The following GSTM1 variants were observed in gnomAD, a reference collection of about 807,000 sequenced individuals.
GSTM1 encodes glutathione S-transferase mu 1, also known as GST HB subunit 4.
A neutral mutation model predicts 17.3 loss-of-function variants in GSTM1; 6 were observed. The ratio of observed to expected loss-of-function variants is 0.35; its 90% confidence interval spans 0.19 to 0.68. The LOEUF is 0.68. Among genes scored for constraint, GSTM1 ranks in the 30% least tolerant of loss-of-function variants. GSTM1 has a pLI of 0.65. For synonymous variants in GSTM1, 20 were observed against 53.6 expected, an observed-to-expected ratio of 0.37 and a Z score of 2.74; for missense variants, 62 against 155.9, an observed-to-expected ratio of 0.40 and a Z score of 3.21.
At position 109,691,730 on chromosome 1, in the gene GSTM1, C is replaced by T. The variant is rs1176783857; in HGVS notation, c.567+1166C>T. ...GCCTGTGAGGTGTGTGTGGCACCAC[C>T]TGGGTACCAGGCCCGGGGCCTGCCC... On this transcript the variant is annotated intron_variant, in intron 7 of 7. Coordinates refer to ENST00000309851, the MANE Select transcript of GSTM1 (RefSeq NM_000561.4). Among the ~76,000 whole-genome samples the T allele has an allele frequency of 3.6e-5, 3 of 82,620 alleles. 1 individual carries two copies. The highest frequency in any genetic ancestry group is 1.3e-4 in the Admixed American group (1 of 7,862). The allele number at this position is 82,620 out of a possible 152,430, so 54.2% of individuals were successfully genotyped here. A position where few individuals can be genotyped will look rare whatever the true frequency, so the allele number is the denominator to read the frequency against.
rs397894870 is a variant in GSTM1 at position 109,692,058 on chromosome 1, CTTT to C, written c.568-1130_568-1128del. 2.3e-4 allele frequency among the ~76,000 whole-genome samples: 8 copies of C among 34,888 alleles called. 1 individual carries two copies. Among genetic ancestry groups the C allele is most frequent in the Admixed American group, 6.8e-4 (2 of 2,942 alleles). 22.9% of individuals were successfully genotyped at this position (34,888 alleles called of 152,430 possible). ...AGTTTGAGAACAGGCAGTCCTGGAT[CTTT>C]TTTTTTTTTTTTTTTTTGAGATCGT... On this transcript the variant is annotated intron_variant, in intron 7 of 7. Transcript: ENST00000309851.
chr1:109,688,832 C>G lies in GSTM1; in HGVS notation c.177+95C>G. 1.4e-5 allele frequency: 8 copies of G among 565,818 alleles called. 4 individuals carry two copies. Among genetic ancestry groups the G allele is most frequent in the Non-Finnish European group, 1.7e-5 (6 of 348,260 alleles). 35.0% of individuals were successfully genotyped at this position (565,818 alleles called of 1,614,324 possible). A position where few individuals can be genotyped will look rare whatever the true frequency, so the allele number is the denominator to read the frequency against. On this transcript the variant is annotated intron_variant, in intron 3 of 7. Coordinates refer to ENST00000309851, the MANE Select transcript of GSTM1 (RefSeq NM_000561.4). Reference sequence around the variant, plus strand: ...GCTTAGAGGTGTTAAGATCAGGAGTCTTCTGCCCAATTCCTCTCACTCCTG... The same window carrying G: ...GCTTAGAGGTGTTAAGATCAGGAGTGTTCTGCCCAATTCCTCTCACTCCTG...
In GSTM1 at chr1:109,689,068, G is replaced by A. The variant is rs753189502; in HGVS notation, c.198G>A (p.Gly66=). 5.8e-5 allele frequency: 46 copies of A among 796,844 alleles called. 19 individuals carry two copies. Among genetic ancestry groups the A allele is most frequent in the African/African-American group, 5.7e-4 (30 of 53,068 alleles). The allele number at this position is 796,844 out of a possible 1,614,324, so 49.4% of individuals were successfully genotyped here. Residue 66 remains glycine (G), a synonymous_variant, in exon 4 of 8, where the codon GGG becomes GGA. Coordinates refer to ENST00000309851, the MANE Select transcript of GSTM1 (RefSeq NM_000561.4). ...TCCAGCTGCCCTACTTGATTGATGG[G>A]GCTCACAAGATCACCCAGAGCAACG... ...DFPNLPYLID[G]AHKITQSNAI...
chr1:109,692,169 T>A lies in GSTM1; in HGVS notation c.568-1037T>A, dbSNP rs1648113743. 2.7e-5 allele frequency among the ~76,000 whole-genome samples: 2 copies of A among 75,210 alleles called. 1 individual carries two copies. Among genetic ancestry groups the A allele is most frequent in the South Asian group, 8.5e-4 (2 of 2,346 alleles). The allele number at this position is 75,210 out of a possible 152,430, so 49.3% of individuals were successfully genotyped here. On this transcript the variant is annotated intron_variant, in intron 7 of 7. Coordinates refer to ENST00000309851, the MANE Select transcript of GSTM1 (RefSeq NM_000561.4). ...TGCCTCCCGGGTTCAAACAATTCTC[T>A]GCCTCAGCCTCCCGAGTAGCTGGGA...
chr1:109,691,961 T>C (rs1285306177), intron 7 of GSTM1, among the ~76,000 whole-genome samples: 1 of 79,792 alleles, frequency 1.3e-5, no homozygotes, highest in African/African-American at 3.6e-5. Flanking sequence ...CTTGGAGTTA[T>C]GTAAGAGGTG....
chr1:109,688,165 C>T lies in GSTM1; in HGVS notation c.37-5C>T, dbSNP rs1412412523. ...CTGACGCGACCTGCGGGCCATCTCT[C>T]CCAGCTGGCCCACGCCATCCGCCTG... On this transcript the variant is annotated splice_polypyrimidine_tract_variant and splice_region_variant and intron_variant, in intron 1 of 7. Coordinates refer to ENST00000309851, the MANE Select transcript of GSTM1 (RefSeq NM_000561.4). 8.9e-5 allele frequency: 71 copies of T among 797,926 alleles called. 32 individuals carry two copies. The highest frequency in any genetic ancestry group is 1.3e-4 in the Non-Finnish European group (71 of 552,684). The allele number at this position is 797,926 out of a possible 1,614,324, so 49.4% of individuals were successfully genotyped here.
At position 109,690,194 on chromosome 1, in the gene GSTM1, C is replaced by T; in HGVS notation, c.361-77C>T. ...CTGCTTGCCCATGGCCAGCCTGGGCCGTCCACAGCCCCGGGGAGGCCACGT... is the reference window on the plus strand; with the variant it reads ...CTGCTTGCCCATGGCCAGCCTGGGCTGTCCACAGCCCCGGGGAGGCCACGT... On this transcript the variant is annotated intron_variant, in intron 5 of 7. Coordinates refer to ENST00000309851, the MANE Select transcript of GSTM1 (RefSeq NM_000561.4). The T allele has an allele frequency of 7.7e-6, 4 of 517,080 alleles. 1 individual carries two copies. The highest frequency in any genetic ancestry group is 6.6e-6 in the Non-Finnish European group (2 of 303,812). 32.0% of individuals were successfully genotyped at this position (517,080 alleles called of 1,614,324 possible).
Position 109,688,855 on chromosome 1 carries a change from C to T in GSTM1, c.177+118C>T. ...GTCTTCTGCCCAATTCCTCTCACTC[C>T]TGGCTGTCTAAACAGTCCTTCCATG... On this transcript the variant is annotated intron_variant, in intron 3 of 7. Coordinates refer to ENST00000309851, the MANE Select transcript of GSTM1 (RefSeq NM_000561.4). 3 of 512,446 alleles carry T rather than the reference C, an allele frequency of 5.9e-6. 1 individual carries two copies. Among genetic ancestry groups the T allele is most frequent in the Non-Finnish European group, 1.0e-5 (3 of 301,376 alleles). The allele number at this position is 512,446 out of a possible 1,614,324, so 31.7% of individuals were successfully genotyped here. A position where few individuals can be genotyped will look rare whatever the true frequency, so the allele number is the denominator to read the frequency against.
chr1:109,688,322 G>A lies in GSTM1; in HGVS notation c.112+77G>A, dbSNP rs1286342807. 2.7e-6 allele frequency: 2 copies of A among 737,858 alleles called. 1 individual carries two copies. Among genetic ancestry groups the A allele is most frequent in the Non-Finnish European group, 4.0e-6 (2 of 498,520 alleles). The allele number at this position is 737,858 out of a possible 1,614,324, so 45.7% of individuals were successfully genotyped here. A position where few individuals can be genotyped will look rare whatever the true frequency, so the allele number is the denominator to read the frequency against. On this transcript the variant is annotated intron_variant, in intron 2 of 7. Coordinates refer to ENST00000309851, the MANE Select transcript of GSTM1 (RefSeq NM_000561.4). ...AAGCAACCCATGGTGGCCACCTGTGGCTGCCTCTGCAGGCCTCCCCTGCTG... is the reference window on the plus strand; with the variant it reads ...AAGCAACCCATGGTGGCCACCTGTGACTGCCTCTGCAGGCCTCCCCTGCTG...
rs1648040240 is a variant in GSTM1, at chr1:109,689,235, A to C, written c.270A>C (p.Thr90=). 1.3e-6 allele frequency: 1 copy of C among 795,426 alleles called. No individual in the cohort carries two copies. Among genetic ancestry groups the C allele is most frequent in the Admixed American group, 3.1e-5 (1 of 32,606 alleles). 49.3% of individuals were successfully genotyped at this position (795,426 alleles called of 1,614,324 possible). A position where few individuals can be genotyped will look rare whatever the true frequency, so the allele number is the denominator to read the frequency against. Residue 90 remains threonine (T), a synonymous_variant, in exon 5 of 8, where the codon ACA becomes ACC. Coordinates refer to ENST00000309851, the MANE Select transcript of GSTM1 (RefSeq NM_000561.4). ...IARKHNLCGE[T]EEEKIRVDIL... ...TTTTGTGGGTGGCAGGTGGGGAGACAGAAGAGGAGAAGATTCGTGTGGACA... is the reference window on the plus strand; with the variant it reads ...TTTTGTGGGTGGCAGGTGGGGAGACCGAAGAGGAGAAGATTCGTGTGGACA...
At chr1:109,688,835 C>T in intron 3 of GSTM1, 98 bp downstream of exon 3, 1 of 549,226 alleles carries the variant, frequency 1.8e-6, no homozygotes, top group African/African-American at 2.1e-5. Flanking sequence ...CAGGAGTCTT[C>T]TGCCCAATTC....
chr1:109,690,980 T>G (rs1270385228), intron 7 of GSTM1, among the ~76,000 whole-genome samples: 1 of 80,640 alleles, frequency 1.2e-5, no homozygotes, highest in Non-Finnish European at 3.2e-5. Flanking sequence ...GAGAACTTCA[T>G]GACCATAGAT....
chr1:109,688,149 C>G lies in GSTM1; in HGVS notation c.37-21C>G, dbSNP rs571829868. On this transcript the variant is annotated intron_variant, in intron 1 of 7. Coordinates refer to ENST00000309851, the MANE Select transcript of GSTM1 (RefSeq NM_000561.4). ...CAGGGACCCTCCATCTCTGACGCGA[C>G]CTGCGGGCCATCTCTCCCAGCTGGC... is the stretch of plus-strand genomic sequence containing the variant. 3.0e-4 allele frequency: 236 copies of G among 797,794 alleles called. 83 individuals are homozygous for G. Among genetic ancestry groups the G allele is most frequent in the African/African-American group, 2.5e-3 (136 of 53,760 alleles). The allele number at this position is 797,794 out of a possible 1,614,324, so 49.4% of individuals were successfully genotyped here. A position where few individuals can be genotyped will look rare whatever the true frequency, so the allele number is the denominator to read the frequency against.
chr1:109,689,834 T>C lies in GSTM1; in HGVS notation c.361-437T>C, dbSNP rs1321203419. 4.0e-5 allele frequency among the ~76,000 whole-genome samples: 3 copies of C among 74,292 alleles called. 1 individual carries two copies. The highest frequency in any genetic ancestry group is 1.2e-4 in the African/African-American group (3 of 25,804). 48.7% of individuals were successfully genotyped at this position (74,292 alleles called of 152,430 possible). ...ATTCCTCTCCCTCCTTCCTTTCAAC[T>C]TGAACTTCTCATCTCCCTGGAAACT... On this transcript the variant is annotated intron_variant, in intron 5 of 7. Coordinates refer to ENST00000309851, the MANE Select transcript of GSTM1 (RefSeq NM_000561.4).
rs1426448405 is a variant in GSTM1, at chr1:109,691,353, T to C, written c.567+789T>C. ...GTTCAAGCGATTCTACTGCCTCAGC[T>C]GCACGATTAGTTGGGATTACAGGTG... On this transcript the variant is annotated intron_variant, in intron 7 of 7. Transcript: ENST00000309851. 5.6e-5 allele frequency among the ~76,000 whole-genome samples: 4 copies of C among 71,948 alleles called. 2 individuals carry two copies. Among genetic ancestry groups the C allele is most frequent in the African/African-American group, 1.6e-4 (4 of 24,890 alleles). 47.2% of individuals were successfully genotyped at this position (71,948 alleles called of 152,430 possible). A position where few individuals can be genotyped will look rare whatever the true frequency, so the allele number is the denominator to read the frequency against.
At position 109,689,038 on chromosome 1, in the gene GSTM1, A is replaced by G; in HGVS notation, c.178-10A>G. 5.0e-6 allele frequency: 4 copies of G among 796,608 alleles called. 2 individuals are homozygous for G. Among genetic ancestry groups the G allele is most frequent in the South Asian group, 3.7e-5 (2 of 54,636 alleles). The allele number at this position is 796,608 out of a possible 1,614,324, so 49.3% of individuals were successfully genotyped here. A position where few individuals can be genotyped will look rare whatever the true frequency, so the allele number is the denominator to read the frequency against. Reference sequence around the variant, plus strand: ...CCCAACTGAGCTTCGCCGGTTTCCCATCCATCCAGCTGCCCTACTTGATTG... The same window carrying G: ...CCCAACTGAGCTTCGCCGGTTTCCCGTCCATCCAGCTGCCCTACTTGATTG... On this transcript the variant is annotated splice_polypyrimidine_tract_variant and intron_variant, in intron 3 of 7. Transcript: ENST00000309851.
Position 109,689,174 on chromosome 1 carries a change from C to T in GSTM1, c.259+45C>T, listed in dbSNP as rs758791789. 3.8e-6 allele frequency: 3 copies of T among 793,492 alleles called. 1 individual carries two copies. In the African/African-American group the frequency reaches 5.7e-5, roughly 15 times the overall value. 49.2% of individuals were successfully genotyped at this position (793,492 alleles called of 1,614,324 possible). A position where few individuals can be genotyped will look rare whatever the true frequency, so the allele number is the denominator to read the frequency against. On this transcript the variant is annotated intron_variant, in intron 4 of 7. Transcript: ENST00000309851. ...ATGTGTGGGGGGAAGGTGGCCTCCT[C>T]CTTGGCTGGGCTGTGATGCTGAGAT...
chr1:109,692,006 A>G (rs1382438627), intron 7 of GSTM1, among the ~76,000 whole-genome samples: 1 of 74,790 alleles, frequency 1.3e-5, no homozygotes, highest in African/African-American at 3.8e-5. Flanking sequence ...GCTGAGGTCT[A>G]TGGCCTATGA....
rs1412928843 is a variant in GSTM1 at position 109,688,235 on chromosome 1, G to A, written c.102G>A (p.Thr34=). The A allele has an allele frequency of 6.3e-6, 5 of 798,134 alleles. 2 individuals carry two copies. The South Asian group carries it at 9.1e-5, about 15-fold the overall frequency. 49.4% of individuals were successfully genotyped at this position (798,134 alleles called of 1,614,324 possible). A position where few individuals can be genotyped will look rare whatever the true frequency, so the allele number is the denominator to read the frequency against. Residue 34 remains threonine, a synonymous_variant, in exon 2 of 8, where the codon ACG becomes ACA. Coordinates refer to ENST00000309851, the MANE Select transcript of GSTM1 (RefSeq NM_000561.4). The part of the protein sequence containing the change: ...TDSSYEEKKY[T]MGDAPDYDRS... ...CAAGCTATGAGGAAAAGAAGTACAC[G>A]ATGGGGGACGGTAATGGCACCCTCG...
Sources: gnomAD v4.1 joint callset for allele counts (sites outside exome capture counted in the v4.1 genomes callset) on GRCh38, gnomAD v4.1.1 for gene constraint, MANE v1.5 for transcripts, NCBI Gene and HGNC (gene_info 2026-07-23, HGNC 2026-07-21) for gene names.